Variants in WNT9B observed in about 807,000 individuals in gnomAD.
The protein encoded by WNT9B is protein Wnt-9b.
WNT9B carries 12 observed loss-of-function variants against 30.2 expected under a neutral mutation model. That is an observed-to-expected ratio of 0.40 (90% CI 0.26 to 0.64). WNT9B has a LOEUF of 0.64. Among genes scored for constraint, WNT9B ranks in the 30% least tolerant of loss-of-function variants. The pLI is 0.42. For synonymous variants in WNT9B, 218 were observed against 216.9 expected (o/e 1.01, Z -0.05); for missense variants, 442 against 485.2 (o/e 0.91, Z 0.84).
At chr17:46,839,130 G>A (rs955086599) in intron 1 of WNT9B, among the ~76,000 whole-genome samples, 3 of 152,092 alleles carry the variant, frequency 2.0e-5, no homozygotes, top group Non-Finnish European at 4.4e-5. Flanking sequence ...CGCCCGCCTC[G>A]GCCTCCCAAA....
In WNT9B at chr17:46,851,841, G is replaced by A. The variant is rs2084852624; in HGVS notation, c.77+126G>A. 6.7e-6 allele frequency: 3 copies of A among 448,592 alleles called. No individual in the cohort carries two copies. The highest frequency in any genetic ancestry group is 1.1e-5 in the Non-Finnish European group (3 of 278,704). 27.8% of individuals were successfully genotyped at this position (448,592 alleles called of 1,614,324 possible). A position where few individuals can be genotyped will look rare whatever the true frequency, so the allele number is the denominator to read the frequency against. ...GCCGAGGTCTCGAACTCAGACCCTA[G>A]CCCGGCGCGACCCAACCCACTTCGC... On this transcript the variant is annotated intron_variant, in intron 1 of 3. Coordinates refer to ENST00000290015, the MANE Select transcript of WNT9B (RefSeq NM_003396.3). This position sits in a 1 kb window ranked among gnomAD's most constrained non-coding sequence, Gnocchi z 4.3.
intron 1 of WNT9B, among the ~76,000 whole-genome samples, chr17:46,840,418 A>G (rs1212039707): frequency 2.0e-5 from 3 of 152,222 alleles, no homozygotes; most frequent in African/African-American, 4.8e-5. Flanking sequence ...ATTGATGGAC[A>G]TCTGGGTTGG....
At chr17:46,859,528 C>T (rs535625753) in intron 1 of WNT9B, among the ~76,000 whole-genome samples, 34 of 152,216 alleles carry the variant, frequency 2.2e-4, no homozygotes, top group Middle Eastern at 3.4e-3. Context: ...TACTATACAG[C>T]CTTGATTACA....
chr17:46,838,919 C>T (rs2058725872), intron 1 of WNT9B, among the ~76,000 whole-genome samples: 1 of 152,100 alleles, frequency 6.6e-6, no homozygotes. Flanking sequence ...ACTCTGTCGC[C>T]CAGGCTGGAG....
chr17:46,846,834 G>A (rs1481922638), upstream of WNT9B, among the ~76,000 whole-genome samples: 1 of 152,232 alleles, frequency 6.6e-6, no homozygotes, highest in Non-Finnish European at 1.5e-5. Flanking sequence ...AACTGGAAGT[G>A]CCATGGGGAG....
upstream of WNT9B, among the ~76,000 whole-genome samples, chr17:46,847,603 T>C (rs1344436303): frequency 6.6e-6 from 1 of 152,200 alleles, no homozygotes; most frequent in Non-Finnish European, 1.5e-5. Context: ...ACACCAGTCC[T>C]GTCCAGGCTC....
chr17:46,834,469 C>T (rs562804940), intron 1 of WNT9B, among the ~76,000 whole-genome samples: 20 of 152,250 alleles, frequency 1.3e-4, no homozygotes, highest in African/African-American at 4.6e-4. Context: ...CTAGGCCTGC[C>T]GAGGCATGGC....
rs143144918 is a variant in WNT9B at position 46,839,761 on chromosome 17, A to G, written c.95+6321A>G. On this transcript the variant is annotated intron_variant, in intron 1 of 2. Coordinates refer to the WNT9B transcript ENST00000575372. ...TGTTCTGATTGTTCAGTTCCCACCT[A>G]TGAGAACATGCAGTGTTTGGTTTTC... Among the ~76,000 whole-genome samples the G allele has an allele frequency of 2.6e-4, 39 of 151,594 alleles. No homozygotes were observed. The East Asian group carries it at 5.8e-3, about 23-fold the overall frequency.
downstream of WNT9B, among the ~76,000 whole-genome samples, chr17:46,882,985 A>T (rs532261943): frequency 3.5e-5 from 5 of 144,772 alleles, no homozygotes; most frequent in Admixed American, 6.9e-5. Context: ...CATGATCCCC[A>T]TTTTTTTTTT....
At chr17:46,882,083 G>A (rs755424475), downstream of WNT9B, among the ~76,000 whole-genome samples, 1 of 152,188 alleles carries the variant, frequency 6.6e-6, no homozygotes, top group Non-Finnish European at 1.5e-5. Context: ...TTGAGCCCAG[G>A]AGTTCGAGGA....
At chr17:46,839,957 T>TTTCTC (rs1555693230) in intron 1 of WNT9B, among the ~76,000 whole-genome samples, 7 of 142,280 alleles carry the variant, frequency 4.9e-5, no homozygotes, top group African/African-American at 1.5e-4. Flanking sequence ...TCTTTCTTTC[T>TTTCTC]TTCTTTCTTT....
At chr17:46,839,928 C>CT (rs1299785432) in intron 1 of WNT9B, among the ~76,000 whole-genome samples, 1 of 125,750 alleles carries the variant, frequency 8.0e-6, no homozygotes, top group Non-Finnish European at 1.8e-5. Flanking sequence ...TTCTTTCTTT[C>CT]TTTCTTTCTT....
chr17:46,843,025 G>T (rs565676380), intron 1 of WNT9B, among the ~76,000 whole-genome samples: 2 of 152,348 alleles, frequency 1.3e-5, no homozygotes, highest in South Asian at 4.1e-4. Flanking sequence ...TTATCCTGTT[G>T]TTGCTAGTGA....
At chr17:46,872,161 C>G (rs2085255445) in intron 1 of WNT9B, among the ~76,000 whole-genome samples, 1 of 152,162 alleles carries the variant, frequency 6.6e-6, no homozygotes, top group Non-Finnish European at 1.5e-5. Context: ...TGTACAGATT[C>G]CCAGGCCCAA....
downstream of WNT9B, among the ~76,000 whole-genome samples, chr17:46,880,956 G>A (rs2085414817): frequency 6.6e-6 from 1 of 152,190 alleles, no homozygotes; most frequent in African/African-American, 2.4e-5. Context: ...GGGGCCTTCA[G>A]GGACCTACAG....
At chr17:46,875,466 G>A (rs2085329826) in intron 3 of WNT9B, 100 bp downstream of exon 3, 1 of 1,412,540 alleles carries the variant, frequency 7.1e-7, no homozygotes, top group African/African-American at 1.5e-5. Flanking sequence ...CAAAATACAT[G>A]AAGAGCCGTG....
At chr17:46,840,215 T>A (rs770679858) in intron 1 of WNT9B, among the ~76,000 whole-genome samples, 10 of 151,920 alleles carry the variant, frequency 6.6e-5, no homozygotes, top group South Asian at 2.1e-4. Flanking sequence ...GCCTCCCGAG[T>A]AGCTGGTACT....
At chr17:46,869,770 G>A (rs1279655901) in intron 1 of WNT9B, among the ~76,000 whole-genome samples, 1 of 152,056 alleles carries the variant, frequency 6.6e-6, no homozygotes, top group Non-Finnish European at 1.5e-5. Flanking sequence ...AGGCTGAGGC[G>A]GGCAGGTCAC....
chr17:46,842,559 A>T (rs1001450577), intron 1 of WNT9B, among the ~76,000 whole-genome samples: 5 of 151,986 alleles, frequency 3.3e-5, no homozygotes, highest in African/African-American at 1.2e-4. Flanking sequence ...TTTTGTAGAG[A>T]TGGGATCTTG....
Sources: allele counts gnomAD v4.1 joint callset (sites outside exome capture counted in the v4.1 genomes callset), GRCh38; gene constraint gnomAD v4.1.1; non-coding constraint Gnocchi (gnomAD v3.1); transcripts MANE v1.5; gene names NCBI Gene and HGNC (gene_info 2026-07-23, HGNC 2026-07-21).